ERO1B: variants seen among roughly 807,000 people sequenced by gnomAD.
ERO1B encodes the protein ERO1-like protein beta.
Under a neutral mutation model 75.3 loss-of-function variants are expected in ERO1B, and 49 were observed. That is an observed-to-expected ratio of 0.65 (90% CI 0.52 to 0.83). ERO1B has a LOEUF of 0.83. ERO1B is among the 40% of genes least tolerant of loss of function. The pLI is 0.00. For missense variants in ERO1B, 512 were observed against 560.1 expected, an observed-to-expected ratio of 0.91 and a Z score of 0.87; for synonymous variants, 191 against 192.9, an observed-to-expected ratio of 0.99 and a Z score of 0.08.
At chr1:236,251,635 GAAC>G (rs748568217) in intron 4 of ERO1B, among the ~76,000 whole-genome samples, 26 of 151,954 alleles carry the variant, frequency 1.7e-4, no homozygotes. Context: ...AAAAGGACAA[GAAC>G]AATAATTAAA....
In ERO1B at chr1:236,226,630, C is replaced by T; in HGVS notation, c.805+17G>A. 6.2e-7 allele frequency: 1 copy of T among 1,603,674 alleles called. No homozygotes were observed. ...ACACTAATAGAAGGCAAAATCTCGACTTAAAAATATGATTACCTTCCAAAA... is the reference window on the plus strand; with the variant it reads ...ACACTAATAGAAGGCAAAATCTCGATTTAAAAATATGATTACCTTCCAAAA... On this transcript the variant is annotated intron_variant, in intron 11 of 15. Transcript: ENST00000354619.
rs1429001480 is a variant in ERO1B at position 236,236,425 on chromosome 1, C to T, written c.506-27G>A. 3 of 1,610,794 alleles carry T rather than the reference C, an allele frequency of 1.9e-6. No individual in the cohort carries two copies. The South Asian group carries it at 3.3e-5, about 18-fold the overall frequency. On this transcript the variant is annotated intron_variant, in intron 6 of 15. Transcript: ENST00000354619. ...TGAACAAGAAAAAATTCATAAAAAC[C>T]ATCCATATTTCACCATTTATCTAAG...
At chr1:236,251,241 T>C (rs6668192) in intron 4 of ERO1B, among the ~76,000 whole-genome samples, 10,428 of 152,030 alleles carry the variant, frequency 0.069, 744 homozygotes, top group East Asian at 0.39. Context: ...ATAAATTACA[T>C]ATTACTTGTG....
At chr1:236,271,524 C>T (rs1488788539) in intron 1 of ERO1B, among the ~76,000 whole-genome samples, 3 of 152,066 alleles carry the variant, frequency 2.0e-5, no homozygotes, top group Non-Finnish European at 4.4e-5. Flanking sequence ...TACAAGACTG[C>T]GAGTTCTATT....
chr1:236,219,150 G>A (rs866802202), intron 15 of ERO1B, among the ~76,000 whole-genome samples: 1 of 152,190 alleles, frequency 6.6e-6, no homozygotes, highest in African/African-American at 2.4e-5. Context: ...ATTCAGGGGT[G>A]ATAGAAGAAA....
rs1055851 is a variant in ERO1B, at chr1:236,218,525, G to C, written c.1395C>G (p.His465Gln). The C allele has an allele frequency of 0.42, 581,114 of 1,382,212 alleles. 132,170 individuals carry two copies. Among genetic ancestry groups the C allele is most frequent in the East Asian group, 0.88 (31,530 of 35,802 alleles). The allele number at this position is 1,382,212 out of a possible 1,614,324, so 85.6% of individuals were successfully genotyped here. A position where few individuals can be genotyped will look rare whatever the true frequency, so the allele number is the denominator to read the frequency against. The change falls in exon 16 of 16, where the codon CAC becomes CAG. Residue 465 changes from histidine (H) to glutamine (Q), a missense_variant. Physicochemically the swap from His to Gln is conservative, Grantham distance 24 (BLOSUM62 0). Coordinates refer to ENST00000354619, the MANE Select transcript of ERO1B (RefSeq NM_019891.4). ...DLQNFKVLLQHSR is the reference protein window; with the variant it reads ...DLQNFKVLLQQSR ...CACATAAAAGCCTTTATTACCTACTGTGTTGTAATAAGACTTTAAAATTCT... is the reference window on the plus strand; with the variant it reads ...CACATAAAAGCCTTTATTACCTACTCTGTTGTAATAAGACTTTAAAATTCT...
chr1:236,254,061 C>A (rs572149596), intron 2 of ERO1B, among the ~76,000 whole-genome samples: 6 of 152,224 alleles, frequency 3.9e-5, no homozygotes, highest in African/African-American at 1.4e-4. Flanking sequence ...AAAGCCTGGG[C>A]AGTTGTGTGA....
intron 5 of ERO1B, among the ~76,000 whole-genome samples, chr1:236,244,189 G>A (rs1317538301): frequency 1.3e-5 from 2 of 152,072 alleles, no homozygotes; most frequent in African/African-American, 2.4e-5. Flanking sequence ...GCATCATTTT[G>A]CTACCCTCTT....
chr1:236,255,216 G>A (rs1330654561), intron 2 of ERO1B, among the ~76,000 whole-genome samples: 4 of 151,854 alleles, frequency 2.6e-5, no homozygotes, highest in African/African-American at 9.7e-5. Flanking sequence ...TTATAGGTGT[G>A]AGCCACCATG....
At chr1:236,279,645 A>G (rs1212862653) in intron 1 of ERO1B, among the ~76,000 whole-genome samples, 1 of 148,670 alleles carries the variant, frequency 6.7e-6, no homozygotes, top group Non-Finnish European at 1.5e-5. Flanking sequence ...CTCGGCCAAC[A>G]TGGCAAAACC....
chr1:236,257,335 T>C (rs1042233150), intron 2 of ERO1B, among the ~76,000 whole-genome samples: 12 of 152,174 alleles, frequency 7.9e-5, no homozygotes, highest in Non-Finnish European at 2.9e-5. Context: ...TTACTCCTTC[T>C]AGTAATACTC....
chr1:236,220,721 A>C, intron 15 of ERO1B, 111 bp downstream of exon 15: 1 of 875,714 alleles, frequency 1.1e-6, no homozygotes, highest in Admixed American at 4.2e-5. Flanking sequence ...TACAATATAA[A>C]ATTTTTTTTT....
intron 9 of ERO1B, among the ~76,000 whole-genome samples, chr1:236,232,275 T>C (rs1321455977): frequency 6.6e-6 from 1 of 152,234 alleles, no homozygotes; most frequent in Non-Finnish European, 1.5e-5. Context: ...GAAAGCACCA[T>C]GTTTTAAACA....
chr1:236,225,830 A>AG (rs1664264363), intron 12 of ERO1B, among the ~76,000 whole-genome samples: 1 of 151,970 alleles, frequency 6.6e-6, no homozygotes, highest in Non-Finnish European at 1.5e-5. Flanking sequence ...AGTTACTTAG[A>AG]AGGCTGAGGC....
At chr1:236,244,638 CTTT>C (rs1572046879) in intron 5 of ERO1B, among the ~76,000 whole-genome samples, 1 of 152,172 alleles carries the variant, frequency 6.6e-6, no homozygotes, top group South Asian at 2.1e-4. Context: ...GAAATTTCTT[CTTT>C]GAGCATCCTC....
intron 12 of ERO1B, among the ~76,000 whole-genome samples, chr1:236,225,930 G>A (rs1291260829): frequency 1.3e-5 from 2 of 152,114 alleles, no homozygotes; most frequent in Admixed American, 1.3e-4. Context: ...GCAAGCCTCT[G>A]TCTCAAAAAT....
In ERO1B at chr1:236,226,478, T is replaced by C; in HGVS notation, c.843A>G (p.Lys281=). 6.2e-7 allele frequency: 1 copy of C among 1,614,098 alleles called. No individual in the cohort carries two copies. The highest frequency in any genetic ancestry group is 8.5e-7 in the Non-Finnish European group (1 of 1,180,010). The change falls in exon 12 of 16, where the codon AAA becomes AAG. Residue 281 remains lysine (K), a synonymous_variant. Coordinates refer to ENST00000354619, the MANE Select transcript of ERO1B (RefSeq NM_019891.4). Reference sequence around the variant, plus strand: ...CAGGGTCAAAGCGGTGTTTGAATTCTTTAATATTAGGTCCCCAACTGGGCT... The same window carrying C: ...CAGGGTCAAAGCGGTGTTTGAATTCCTTAATATTAGGTCCCCAACTGGGCT... ...WGKPSWGPNI[K]EFKHRFDPVE... is the part of the protein sequence containing the mutation.
At chr1:236,265,047 CTTT>C (rs35846063) in intron 2 of ERO1B, among the ~76,000 whole-genome samples, 46,235 of 147,328 alleles carry the variant, frequency 0.31, 7,760 homozygotes, top group East Asian at 0.77. Flanking sequence ...ATTTTTTTCT[CTTT>C]TTTTTTTTTT....
intron 5 of ERO1B, among the ~76,000 whole-genome samples, chr1:236,244,412 T>C (rs1664788654): frequency 6.6e-6 from 1 of 152,192 alleles, no homozygotes; most frequent in Admixed American, 6.5e-5. Context: ...TGGAATTTTT[T>C]TCCCTATGGG....
Sources: gnomAD v4.1 joint callset for allele counts (sites outside exome capture counted in the v4.1 genomes callset) on GRCh38, gnomAD v4.1.1 for gene constraint, MANE v1.5 for transcripts, NCBI Gene and HGNC (gene_info 2026-07-23, HGNC 2026-07-21) for gene names.